The following DDO variants were observed in gnomAD, a reference collection of about 807,000 sequenced individuals.
DDO encodes the protein D-aspartate oxidase, also known as D-aspartate oxidase, DDO.
A neutral mutation model predicts 16.8 loss-of-function variants in DDO; 16 were observed. The ratio of observed to expected loss-of-function variants is 0.95; its 90% CI spans 0.65 to 1.45. DDO has a LOEUF of 1.45. Among genes scored for constraint, DDO ranks in the 40% most tolerant of loss-of-function variants. The pLI is 0.00. For synonymous variants in DDO, 180 were observed against 167.2 expected, an observed-to-expected ratio of 1.08 and a Z score of -0.59; for missense variants, 429 against 420.3, an observed-to-expected ratio of 1.02 and a Z score of -0.18.
At chr6:110,411,365 G>GA (rs1773852119) in intron 2 of DDO, among the ~76,000 whole-genome samples, 1 of 150,978 alleles carries the variant, frequency 6.6e-6, no homozygotes, top group Non-Finnish European at 1.5e-5. Context: ...TGAAAAATGA[G>GA]AAAATCAAAA....
chr6:110,399,996 C>A (rs1253228950), intron 4 of DDO, among the ~76,000 whole-genome samples: 1 of 152,202 alleles, frequency 6.6e-6, no homozygotes, highest in Non-Finnish European at 1.5e-5. Flanking sequence ...TATTCCCAGG[C>A]ACCGCCCCCT....
intron 2 of DDO, among the ~76,000 whole-genome samples, chr6:110,408,923 G>A (rs578212611): frequency 8.5e-5 from 13 of 152,348 alleles, no homozygotes; most frequent in African/African-American, 2.4e-4. Flanking sequence ...CAGGCCAACC[G>A]GGACAGAGAA....
intron 2 of DDO, 115 bp downstream of exon 2, chr6:110,413,176 A>G (rs1773916985): frequency 8.2e-7 from 1 of 1,225,208 alleles, no homozygotes; most frequent in African/African-American, 1.5e-5. Context: ...GAAAAAGAAA[A>G]AAACCTGCAT....
At position 110,408,355 on chromosome 6, in the gene DDO, G is replaced by C. The variant is rs776393350; in HGVS notation, c.260C>G (p.Ala87Gly). The C allele has an allele frequency of 2.5e-6, 4 of 1,614,114 alleles. No individual in the cohort carries two copies. The Admixed American group carries it at 6.7e-5, about 27-fold the overall frequency. The change falls in exon 3 of 5, where the codon GCT becomes GGT. Residue 87 changes from alanine to glycine, a missense_variant. Physicochemically the swap from Ala to Gly is moderately conservative, Grantham distance 60. Coordinates refer to ENST00000368924, the MANE Select transcript of DDO (RefSeq NM_001372108.2). ...AIANSAEAGD[A>G]GVHLVSGWQI... Reference sequence around the variant, plus strand: ...TTACCCTGATACCAAATGAACACCAGCATCTCCAGCTTCTGCAGAATTGGC... The same window carrying C: ...TTACCCTGATACCAAATGAACACCACCATCTCCAGCTTCTGCAGAATTGGC...
Position 110,392,670 on chromosome 6 carries a change from C to T in DDO, c.*105G>A. The stretch of plus-strand genomic sequence containing the variant: ...GTTACACCACTTCTAATGTTGAAAA[C>T]AAAGAAATGTCTAATTAAACTTTCA... On this transcript the variant is annotated 3_prime_UTR_variant, in exon 5 of 5. Transcript: ENST00000368924. 2.1e-6 allele frequency: 3 copies of T among 1,410,856 alleles called. No individual in the cohort carries two copies. The highest frequency in any genetic ancestry group is 2.8e-6 in the Non-Finnish European group (3 of 1,086,008). 87.4% of individuals were successfully genotyped at this position (1,410,856 alleles called of 1,614,324 possible).
chr6:110,415,194 C>T (rs1774005733), intron 1 of DDO, among the ~76,000 whole-genome samples: 1 of 152,240 alleles, frequency 6.6e-6, no homozygotes, highest in African/African-American at 2.4e-5. Context: ...AGCTGTCCTG[C>T]AGCCACCAGT....
intron 4 of DDO, among the ~76,000 whole-genome samples, chr6:110,400,303 C>T (rs1170313053): frequency 7.3e-6 from 1 of 137,292 alleles, no homozygotes; most frequent in Admixed American, 7.5e-5. Context: ...AACACTCTCT[C>T]TCGGAGTAGT....
At chr6:110,391,550 G>A (rs1165136414), downstream of DDO, among the ~76,000 whole-genome samples, 1 of 152,032 alleles carries the variant, frequency 6.6e-6, no homozygotes, top group Admixed American at 6.6e-5. Context: ...GGCCAGGCTT[G>A]TCTTGAACTC....
At chr6:110,403,945 T>C (rs559433442) in intron 4 of DDO, among the ~76,000 whole-genome samples, 1 of 152,268 alleles carries the variant, frequency 6.6e-6, no homozygotes, top group Non-Finnish European at 1.5e-5. Flanking sequence ...AATTATCCTA[T>C]AACCTACATC....
At position 110,413,340 on chromosome 6, in the gene DDO, A is replaced by G. The variant is rs1005426365; in HGVS notation, c.123T>C (p.Asp41=). Residue 41 remains aspartate, a synonymous_variant, in exon 2 of 5, where the codon GAT becomes GAC. Coordinates refer to ENST00000368924, the MANE Select transcript of DDO (RefSeq NM_001372108.2). The stretch of plus-strand genomic sequence containing the variant: ...TTCCGGCTGCCACATCACTGGTGGT[A>G]TCTGGAGTAAACTTGTCTGAAATGA... ...VTIISDKFTP[D]TTSDVAAGML... is the part of the protein sequence containing the mutation. The G allele has an allele frequency of 1.9e-6, 3 of 1,614,172 alleles. No individual in the cohort carries two copies. The highest frequency in any genetic ancestry group is 2.2e-5 in the South Asian group (2 of 91,082).
At chr6:110,399,975 G>C (rs531673470) in intron 4 of DDO, among the ~76,000 whole-genome samples, 26 of 152,324 alleles carry the variant, frequency 1.7e-4, no homozygotes, top group African/African-American at 6.3e-4. Context: ...ACCCACAGCC[G>C]GGAGGCGGCG....
rs1773806031 is a variant in DDO at position 110,410,220 on chromosome 6, TCCAGGAGAA to T, written c.173-1787_173-1779del. Among the ~76,000 whole-genome samples, 7 of 152,180 alleles carry T rather than the reference TCCAGGAGAA, an allele frequency of 4.6e-5. No homozygotes were observed. In the South Asian group the frequency reaches 1.5e-3, roughly 32 times the overall value. On this transcript the variant is annotated intron_variant, in intron 2 of 4. Transcript: ENST00000368924. ...AGCATCACAGAGAGAAAAACCCTGG[TCCAGGAGAA>T]CCAGCCACCTGGCCAAAGAGACAGT... is the stretch of plus-strand genomic sequence containing the variant.
At chr6:110,391,184 G>A (rs531070527), downstream of DDO, among the ~76,000 whole-genome samples, 20 of 152,258 alleles carry the variant, frequency 1.3e-4, no homozygotes, top group Non-Finnish European at 2.8e-4. Context: ...TGCAAGTTCT[G>A]AATGAACGCA....
At chr6:110,400,344 G>GGGGGA (rs1303613533) in intron 4 of DDO, among the ~76,000 whole-genome samples, 2 of 87,212 alleles carry the variant, frequency 2.3e-5, no homozygotes, top group African/African-American at 1.3e-4. Context: ...GGAGCGGGCC[G>GGGGGA]GGGCGGGGAC....
chr6:110,393,388 C>T, intron 4 of DDO, 46 bp from the exon 5 acceptor site: 1 of 1,504,816 alleles, frequency 6.6e-7, no homozygotes, highest in Non-Finnish European at 8.8e-7. Flanking sequence ...GCGACCTGAT[C>T]AACTACTTCC....
chr6:110,393,452 C>G, intron 4 of DDO, 110 bp from the exon 5 acceptor site: 2 of 1,442,568 alleles, frequency 1.4e-6, no homozygotes, highest in Non-Finnish European at 9.1e-7. Flanking sequence ...ATCTGATGAA[C>G]AAACACCTCA....
In DDO at chr6:110,404,941, T is replaced by C; in HGVS notation, c.291A>G (p.Ile97Met). 6.2e-7 allele frequency: 1 copy of C among 1,614,064 alleles called. No homozygotes were observed. Among genetic ancestry groups the C allele is most frequent in the Non-Finnish European group, 8.5e-7 (1 of 1,179,968 alleles). The change falls in exon 4 of 5, where the codon ATA becomes ATG. Residue 97 changes from isoleucine to methionine, a missense_variant. Coordinates refer to ENST00000368924, the MANE Select transcript of DDO (RefSeq NM_001372108.2). ...AGVHLVSGWQ[I>M]FQSTPTEEVP... is the part of the protein sequence containing the mutation. ...CTTCTTCAGTCGGAGTGCTCTGAAA[T>C]ATCTGCCAACTCAAACGTATTAAGT...
chr6:110,411,247 A>C (rs1773848202), intron 2 of DDO, among the ~76,000 whole-genome samples: 1 of 152,182 alleles, frequency 6.6e-6, no homozygotes. Flanking sequence ...CTCACTGGCA[A>C]CAAGCCCTGT....
chr6:110,409,654 A>T, intron 2 of DDO, among the ~76,000 whole-genome samples: 1 of 152,248 alleles, frequency 6.6e-6, no homozygotes, highest in East Asian at 1.9e-4. Flanking sequence ...CCCATGTGAA[A>T]TTAACACTAT....
Sources: gnomAD v4.1 joint callset for allele counts (sites outside exome capture counted in the v4.1 genomes callset) on GRCh38, gnomAD v4.1.1 for gene constraint, MANE v1.5 for transcripts, NCBI Gene and HGNC (gene_info 2026-07-23, HGNC 2026-07-21) for gene names.